WNT7B: variants seen among roughly 807,000 people sequenced by gnomAD.
The protein encoded by WNT7B is protein Wnt-7b.
WNT7B carries 19 observed loss-of-function variants against 38.2 expected under a neutral mutation model. The ratio of observed to expected loss-of-function variants is 0.50; its 90% CI spans 0.35 to 0.73. The LOEUF (loss-of-function observed/expected upper bound fraction) is 0.73, where lower values mean the gene tolerates loss of function less well. Among genes scored for constraint, WNT7B ranks in the 30% least tolerant of loss-of-function variants. The pLI, the probability that WNT7B is intolerant of heterozygous loss-of-function variation, is 0.01. For missense variants in WNT7B, 423 were observed against 507.9 expected, an observed-to-expected ratio of 0.83 and a Z score of 1.61; for synonymous variants, 243 against 209.3, an observed-to-expected ratio of 1.16 and a Z score of -1.39.
At chr22:45,933,840 G>A (rs946991451) in intron 2 of WNT7B, among the ~76,000 whole-genome samples, 1 of 152,220 alleles carries the variant, frequency 6.6e-6, no homozygotes, top group Non-Finnish European at 1.5e-5. Context: ...GAAGGGTTTG[G>A]TGAGGTCAAG....
intron 3 of WNT7B, among the ~76,000 whole-genome samples, chr22:45,928,321 C>T (rs1047910441): frequency 2.6e-5 from 4 of 152,198 alleles, no homozygotes; most frequent in Admixed American, 2.6e-4. Context: ...ACCCTACACC[C>T]ACCTCCCACT....
intron 1 of WNT7B, among the ~76,000 whole-genome samples, chr22:45,962,974 C>T (rs1932230687): frequency 6.6e-6 from 1 of 152,256 alleles, no homozygotes; most frequent in Non-Finnish European, 1.5e-5. Flanking sequence ...GCCTTCCTGG[C>T]TGCCCTGGAC....
At chr22:45,925,169 A>C (rs1931044634) in intron 3 of WNT7B, 2 of 968,850 alleles carry the variant, frequency 2.1e-6, no homozygotes. Context: ...AAGGCTCATC[A>C]GGTGGGTGCC....
chr22:45,929,918 A>G (rs1931274576), intron 3 of WNT7B, among the ~76,000 whole-genome samples: 1 of 149,840 alleles, frequency 6.7e-6, no homozygotes, highest in African/African-American at 2.5e-5. Context: ...CCATCCATCT[A>G]TCCTCCCATC....
intron 2 of WNT7B, chr22:45,936,065 A>G: frequency 1.0e-6 from 1 of 985,406 alleles, no homozygotes; most frequent in Non-Finnish European, 1.2e-6. Context: ...AGAGCAGACT[A>G]TATTCTGGCC....
At chr22:45,924,491 C>CT (rs1931015760) in intron 3 of WNT7B, among the ~76,000 whole-genome samples, 1 of 152,208 alleles carries the variant, frequency 6.6e-6, no homozygotes, top group South Asian at 2.1e-4. Context: ...AGTGAGGGTC[C>CT]TTGAGGTAGG....
intron 1 of WNT7B, among the ~76,000 whole-genome samples, chr22:45,974,353 T>C (rs1932510351): frequency 6.6e-6 from 1 of 152,174 alleles, no homozygotes; most frequent in Admixed American, 6.5e-5. Context: ...TCCAGGTCAT[T>C]TAACCCCTGA....
intron 1 of WNT7B, among the ~76,000 whole-genome samples, chr22:45,957,260 AC>A (rs67604162): frequency 0.35 from 52,793 of 152,072 alleles, 10,340 homozygotes; most frequent in East Asian, 0.68. Context: ...CAAGGTGTCC[AC>A]TTGAGATTTC....
At chr22:45,948,415 G>T (rs1367608557) in intron 2 of WNT7B, among the ~76,000 whole-genome samples, 2 of 152,182 alleles carry the variant, frequency 1.3e-5, no homozygotes, top group Non-Finnish European at 2.9e-5. Context: ...CACAAAGCGG[G>T]CCCCAGGGGC....
chr22:45,929,982 A>C (rs139462122), intron 3 of WNT7B, among the ~76,000 whole-genome samples: 242 of 151,860 alleles, frequency 1.6e-3, no homozygotes, highest in African/African-American at 5.6e-3. Context: ...CCATCCAACA[A>C]TAACTTAATA....
At chr22:45,947,693 G>A (rs1054622482) in intron 2 of WNT7B, among the ~76,000 whole-genome samples, 1 of 152,194 alleles carries the variant, frequency 6.6e-6, no homozygotes, top group African/African-American at 2.4e-5. Context: ...AAGGGGAAAA[G>A]TTGACACCAG....
chr22:45,975,712 C>A lies in WNT7B; in HGVS notation c.71+972G>T. ...TGCCTGTGGCCTGGACGGGGCTCGC[C>A]TCGGGGCAGCCGGCGGCGCACAGTA... On this transcript the variant is annotated intron_variant, in intron 1 of 3. Transcript: ENST00000339464. This position sits in a 1 kb window ranked among gnomAD's most constrained non-coding sequence, Gnocchi z 6.6. The A allele has an allele frequency of 2.0e-6, 1 of 502,524 alleles. No homozygotes were observed. The highest frequency in any genetic ancestry group is 3.0e-5 in the South Asian group (1 of 32,898). The allele number at this position is 502,524 out of a possible 1,614,324, so 31.1% of individuals were successfully genotyped here.
intron 3 of WNT7B, chr22:45,926,542 G>A (rs537492307): frequency 8.1e-6 from 8 of 985,434 alleles, no homozygotes; most frequent in South Asian, 9.4e-5. Flanking sequence ...CTTCCAGGGC[G>A]AGACTGACCA....
At chr22:45,930,412 G>C (rs187407524) in intron 3 of WNT7B, among the ~76,000 whole-genome samples, 13 of 152,244 alleles carry the variant, frequency 8.5e-5, no homozygotes, top group Non-Finnish European at 1.3e-4. Flanking sequence ...CCGGCTGGGC[G>C]TTCCACTTGG....
intron 3 of WNT7B, chr22:45,926,203 T>C: frequency 1.0e-6 from 1 of 985,362 alleles, no homozygotes; most frequent in Non-Finnish European, 1.2e-6. Context: ...AATGTGCCGT[T>C]TCCTTCTCCA....
rs183196730 is a variant in WNT7B at position 45,945,863 on chromosome 22, C to T, written c.298+4057G>A. On this transcript the variant is annotated intron_variant, in intron 2 of 3. Coordinates refer to ENST00000339464, the MANE Select transcript of WNT7B (RefSeq NM_058238.3). ...AGCTCGCCCCCAAAGCAAACAGGAG[C>T]GGGTGACAGCTGTGCTGGTGTCCCG... is the stretch of plus-strand genomic sequence containing the variant. Among the ~76,000 whole-genome samples, 339 of 152,340 alleles carry T rather than the reference C, an allele frequency of 2.2e-3. 1 individual carries two copies. Among genetic ancestry groups the T allele is most frequent in the Admixed American group, 6.0e-3 (92 of 15,302 alleles).
At chr22:45,923,899 T>C (rs1931001731) in intron 3 of WNT7B, among the ~76,000 whole-genome samples, 2 of 151,760 alleles carry the variant, frequency 1.3e-5, no homozygotes, top group South Asian at 2.1e-4. Flanking sequence ...GGGAGGCGAG[T>C]ACACGGATCA....
intron 2 of WNT7B, among the ~76,000 whole-genome samples, chr22:45,936,342 G>C (rs540618120): frequency 1.3e-5 from 2 of 152,370 alleles, no homozygotes; most frequent in African/African-American, 4.8e-5. Context: ...GGGCAGTCCA[G>C]GGCCGGCTAC....
At chr22:45,923,916 C>G (rs1431671436) in intron 3 of WNT7B, among the ~76,000 whole-genome samples, 1 of 152,204 alleles carries the variant, frequency 6.6e-6, no homozygotes, top group African/African-American at 2.4e-5. Flanking sequence ...ATCAGCGAGG[C>G]CCGGGCATGC....
Sources: gnomAD v4.1 joint callset for allele counts (sites outside exome capture counted in the v4.1 genomes callset) on GRCh38, gnomAD v4.1.1 for gene constraint, Gnocchi (gnomAD v3.1) non-coding constraint, MANE v1.5 for transcripts, NCBI Gene and HGNC (gene_info 2026-07-23, HGNC 2026-07-21) for gene names.